The following PXT1 variants were observed in gnomAD, a reference collection of about 807,000 sequenced individuals.
PXT1 encodes the protein peroxisomal testis-specific protein 1.
PXT1 carries 11 observed loss-of-function variants against 11.0 expected under a neutral mutation model. That is an observed-to-expected ratio of 1.00 (90% confidence interval 0.63 to 1.66). PXT1 has a LOEUF of 1.66. PXT1 is among the 40% of genes most tolerant of loss of function. The pLI is 0.00. For synonymous variants in PXT1, 43 were observed against 51.4 expected, an observed-to-expected ratio of 0.84 and a Z score of 0.70; for missense variants, 141 against 155.5, an observed-to-expected ratio of 0.91 and a Z score of 0.49.
chr6:36,423,247 G>GTA (rs1447163652), intron 3 of PXT1, among the ~76,000 whole-genome samples: 1 of 152,222 alleles, frequency 6.6e-6, no homozygotes, highest in African/African-American at 2.4e-5. Flanking sequence ...TGCTTCCTCA[G>GTA]TAAGAGTTTT....
intron 3 of PXT1, among the ~76,000 whole-genome samples, chr6:36,410,386 G>T (rs552324550): frequency 7.0e-4 from 107 of 151,802 alleles, no homozygotes; most frequent in Non-Finnish European, 1.3e-3. Context: ...GGAGGCGGAG[G>T]TTGCAGTGAG....
chr6:36,394,818 C>A (rs1289989790), intron 4 of PXT1, among the ~76,000 whole-genome samples: 1 of 149,496 alleles, frequency 6.7e-6, no homozygotes, highest in Non-Finnish European at 1.5e-5. Context: ...TTTTCTTTTT[C>A]AGATTCAGGG....
intron 3 of PXT1, among the ~76,000 whole-genome samples, chr6:36,424,270 A>G (rs1582266529): frequency 6.6e-6 from 1 of 152,242 alleles, no homozygotes; most frequent in East Asian, 1.9e-4. Context: ...AAAAAAAATT[A>G]CAAGTTCCTA....
intron 3 of PXT1, among the ~76,000 whole-genome samples, chr6:36,407,825 A>G (rs925999184): frequency 1.3e-5 from 2 of 152,110 alleles, no homozygotes; most frequent in African/African-American, 4.8e-5. Context: ...TTTCCTTCCT[A>G]CATTTTCCCA....
chr6:36,398,914 C>T (rs890446126), intron 4 of PXT1, among the ~76,000 whole-genome samples: 6 of 152,110 alleles, frequency 3.9e-5, no homozygotes, highest in African/African-American at 1.4e-4. Flanking sequence ...ATTTATTGTT[C>T]ATCTGCCTTG....
intron 4 of PXT1, 139 bp from the exon 5 acceptor site, chr6:36,392,013 T>G: frequency 1.6e-6 from 1 of 619,826 alleles, no homozygotes. Context: ...GGTTGCTTTA[T>G]GAATTGTATG....
At chr6:36,440,443 G>C (rs184795950) in intron 1 of PXT1, among the ~76,000 whole-genome samples, 1 of 151,798 alleles carries the variant, frequency 6.6e-6, no homozygotes, top group Non-Finnish European at 1.5e-5. Flanking sequence ...AGTGGCGGGC[G>C]CCTGTAGTCC....
chr6:36,415,280 T>C lies in PXT1; in HGVS notation c.169+10634A>G, dbSNP rs182625294. 3.4e-4 allele frequency among the ~76,000 whole-genome samples: 52 copies of C among 152,072 alleles called. No individual in the cohort carries two copies. The East Asian group carries it at 9.9e-3, about 29-fold the overall frequency. ...CAACATGGTGAAACCCTGCCTCTAC[T>C]AAAAATACAAAAATTAGCCAGACAT... On this transcript the variant is annotated intron_variant, in intron 3 of 4. Coordinates refer to ENST00000454782, the MANE Select transcript of PXT1 (RefSeq NM_152990.4).
Position 36,426,058 on chromosome 6 carries a change from C to A in PXT1, c.25G>T (p.Val9Phe). MKKKHDGI[V>F]YETKEVLNPS... ...TTGAGAACTTCTTTAGTTTCATAAA[C>A]AATGCCATCATGTTTTTTCTTCATG... is the stretch of plus-strand genomic sequence containing the variant. The change falls in exon 3 of 5, where the codon GTT (valine) becomes TTT (phenylalanine). Residue 9 changes from valine (V) to phenylalanine (F), a missense_variant. Val to Phe is a conservative substitution (Grantham distance 50). Coordinates refer to ENST00000454782, the MANE Select transcript of PXT1 (RefSeq NM_152990.4). The A allele has an allele frequency of 6.6e-7, 1 of 1,515,790 alleles. No individual in the cohort carries two copies. Among genetic ancestry groups the A allele is most frequent in the South Asian group, 1.3e-5 (1 of 79,382 alleles). 93.9% of individuals were successfully genotyped at this position (1,515,790 alleles called of 1,614,324 possible).
At chr6:36,435,748 A>G (rs1465821017) in intron 2 of PXT1, among the ~76,000 whole-genome samples, 1 of 152,226 alleles carries the variant, frequency 6.6e-6, no homozygotes, top group African/African-American at 2.4e-5. Flanking sequence ...AAAAAAATCA[A>G]TTAAGAACAA....
intron 2 of PXT1, among the ~76,000 whole-genome samples, chr6:36,427,844 A>G (rs1774630771): frequency 6.6e-6 from 1 of 152,178 alleles, no homozygotes; most frequent in Admixed American, 6.5e-5. Context: ...ACGGCCAGCC[A>G]TACAAACCAA....
intron 4 of PXT1, among the ~76,000 whole-genome samples, chr6:36,394,756 G>GA (rs1774119809): frequency 6.6e-6 from 1 of 150,856 alleles, no homozygotes; most frequent in Admixed American, 6.6e-5. Flanking sequence ...AAAAAAAGCA[G>GA]ATACTTGAAC....
At chr6:36,427,865 A>G (rs1033760972) in intron 2 of PXT1, among the ~76,000 whole-genome samples, 9 of 152,178 alleles carry the variant, frequency 5.9e-5, no homozygotes, top group Non-Finnish European at 1.2e-4. Context: ...GGGGAGAAAG[A>G]TTGTCAAATA....
chr6:36,410,144 G>GGAGATA (rs1774348700), intron 3 of PXT1, among the ~76,000 whole-genome samples: 1 of 140,466 alleles, frequency 7.1e-6, no homozygotes. Context: ...AAGGAAGGAA[G>GGAGATA]GAGAGAGAGA....
At chr6:36,429,834 A>C (rs1033769738) in intron 2 of PXT1, among the ~76,000 whole-genome samples, 2 of 139,664 alleles carry the variant, frequency 1.4e-5, no homozygotes, top group African/African-American at 5.7e-5. Flanking sequence ...TATATTTACG[A>C]AAGTTTTTAC....
At position 36,401,895 on chromosome 6, in the gene PXT1, T is replaced by C. The variant is rs188581667; in HGVS notation, c.170-1311A>G. Among the ~76,000 whole-genome samples, 679 of 147,832 alleles carry C rather than the reference T, an allele frequency of 4.6e-3. 6 individuals carry two copies. Among genetic ancestry groups the C allele is most frequent in the African/African-American group, 0.015 (625 of 40,702 alleles). On this transcript the variant is annotated intron_variant, in intron 3 of 4. Coordinates refer to ENST00000454782, the MANE Select transcript of PXT1 (RefSeq NM_152990.4). ...AACATATATATTATATATGTGTGTG[T>C]ATATATATATAATGGAAAATCTATT...
intron 2 of PXT1, among the ~76,000 whole-genome samples, chr6:36,426,355 C>CTTTTTTTTTTTT (rs751410377): frequency 1.3e-5 from 1 of 76,774 alleles, no homozygotes; most frequent in African/African-American, 5.1e-5. Context: ...CTCTCTCTCG[C>CTTTTTTTTTTTT]TTTTTTTTTT....
At chr6:36,394,000 A>G (rs1774107749) in intron 4 of PXT1, among the ~76,000 whole-genome samples, 1 of 152,236 alleles carries the variant, frequency 6.6e-6, no homozygotes, top group Admixed American at 6.5e-5. Flanking sequence ...AGTTGAAGAA[A>G]TGAATTCAGG....
chr6:36,426,035 G>T lies in PXT1; in HGVS notation c.48C>A (p.Leu16=). 1 of 1,526,444 alleles carries T rather than the reference G, an allele frequency of 6.6e-7. No homozygotes were observed. The highest frequency in any genetic ancestry group is 1.2e-5 in the South Asian group (1 of 82,022). The allele number at this position is 1,526,444 out of a possible 1,614,324, so 94.6% of individuals were successfully genotyped here. Residue 16 remains leucine (L), a synonymous_variant, in exon 3 of 5, where the codon CTC becomes CTA. Transcript: ENST00000454782. ...DGIVYETKEV[L]NPSPKVTHCC... ...AATGTGTTACTTTGGGAGATGGATT[G>T]AGAACTTCTTTAGTTTCATAAACAA...
Sources: gnomAD v4.1 joint callset for allele counts (sites outside exome capture counted in the v4.1 genomes callset) on GRCh38, gnomAD v4.1.1 for gene constraint, MANE v1.5 for transcripts, NCBI Gene and HGNC (gene_info 2026-07-23, HGNC 2026-07-21) for gene names.